The following COL14A1 variants were observed in gnomAD, a reference collection of about 807,000 sequenced individuals.
COL14A1 encodes the protein collagen alpha-1(XIV) chain.
A neutral mutation model predicts 230.3 loss-of-function variants in COL14A1; 136 were observed. The ratio of observed to expected loss-of-function variants is 0.59; its 90% CI spans 0.51 to 0.68. The LOEUF is 0.68. COL14A1 is among the 30% of genes least tolerant of loss of function. The pLI is 0.00. For synonymous variants in COL14A1, 792 were observed against 784.1 expected (o/e 1.01, Z -0.17); for missense variants, 1,976 against 2,215.8 (o/e 0.89, Z 2.17).
chr8:120,216,628 G>A, intron 14 of COL14A1, 138 bp downstream of exon 14: 2 of 893,816 alleles, frequency 2.2e-6, no homozygotes, highest in African/African-American at 3.4e-5. Context: ...CTGTATGTAG[G>A]TCAGGAATTG....
At chr8:120,324,975 A>G (rs1236882127) in intron 40 of COL14A1, among the ~76,000 whole-genome samples, 3 of 152,214 alleles carry the variant, frequency 2.0e-5, no homozygotes, top group Non-Finnish European at 4.4e-5. Flanking sequence ...CTTGAAAAAA[A>G]GCACATACAT....
At position 120,168,169 on chromosome 8, in the gene COL14A1, T is replaced by A; in HGVS notation, c.358T>A (p.Leu120Ile). ...CTCTACTTTTCTTCCAGTTAAAGATTTAGAAAAAAGAAAGGATCCAAAGCC... is the reference window on the plus strand; with the variant it reads ...CTCTACTTTTCTTCCAGTTAAAGATATAGAAAAAAGAAAGGATCCAAAGCC... ...PAQGQFRIKD[L>I]EKRKDPKPRV... Residue 120 changes from leucine to isoleucine, a missense_variant, in exon 5 of 48, where the codon TTA (leucine) becomes ATA (isoleucine). Coordinates refer to ENST00000297848, the MANE Select transcript of COL14A1 (RefSeq NM_021110.4). The A allele has an allele frequency of 6.2e-7, 1 of 1,609,416 alleles. No homozygotes were observed. Among genetic ancestry groups the A allele is most frequent in the Non-Finnish European group, 8.5e-7 (1 of 1,176,882 alleles).
In COL14A1 at chr8:120,371,146, C is replaced by T. The variant is rs190530400; in HGVS notation, c.5312-6C>T. The T allele has an allele frequency of 1.8e-3, 2,847 of 1,604,638 alleles. 51 individuals are homozygous for T. The African/African-American group carries it at 0.034, about 19-fold the overall frequency. On this transcript the variant is annotated splice_region_variant and splice_polypyrimidine_tract_variant and intron_variant, in intron 47 of 47. Coordinates refer to ENST00000297848, the MANE Select transcript of COL14A1 (RefSeq NM_021110.4). The stretch of plus-strand genomic sequence containing the variant: ...GCAAGTCCCCACCCCCACTTTTCCT[C>T]TTTAGCTCCCCATCCAGATCAGCCA...
chr8:120,280,918 T>A lies in COL14A1; in HGVS notation c.3686-3T>A. ...TCTTTTTCTACTTTTTTTTTTTTTT[T>A]AGGATTTAAGATGATGGAAATGTTT... is the stretch of plus-strand genomic sequence containing the variant. On this transcript the variant is annotated splice_region_variant and splice_polypyrimidine_tract_variant and intron_variant, in intron 30 of 47. Coordinates refer to ENST00000297848, the MANE Select transcript of COL14A1 (RefSeq NM_021110.4). The A allele has an allele frequency of 6.8e-7, 1 of 1,479,376 alleles. No individual in the cohort carries two copies. Among genetic ancestry groups the A allele is most frequent in the East Asian group, 2.3e-5 (1 of 43,212 alleles). The allele number at this position is 1,479,376 out of a possible 1,614,324, so 91.6% of individuals were successfully genotyped here. A position where few individuals can be genotyped will look rare whatever the true frequency, so the allele number is the denominator to read the frequency against.
chr8:120,347,298 A>G (rs1822553178), intron 45 of COL14A1, among the ~76,000 whole-genome samples: 2 of 152,232 alleles, frequency 1.3e-5, no homozygotes, highest in South Asian at 2.1e-4. Flanking sequence ...TTTCTTACAT[A>G]CATATTGATA....
At chr8:120,129,904 G>A (rs1271868594) in intron 1 of COL14A1, among the ~76,000 whole-genome samples, 4 of 152,118 alleles carry the variant, frequency 2.6e-5, no homozygotes, top group Non-Finnish European at 1.5e-5. Context: ...TTGAATATGG[G>A]TTAAACTGCC....
At chr8:120,340,922 T>G (rs565845672) in intron 42 of COL14A1, among the ~76,000 whole-genome samples, 133 of 152,312 alleles carry the variant, frequency 8.7e-4, no homozygotes, top group East Asian at 2.7e-3. Flanking sequence ...CTTTAAAAAC[T>G]GAAACAATTT....
chr8:120,151,577 T>C (rs1416040791), intron 2 of COL14A1, among the ~76,000 whole-genome samples: 1 of 139,788 alleles, frequency 7.2e-6, no homozygotes. Context: ...GAGGTGGAGG[T>C]TGCAGTGAGC....
chr8:120,327,253 T>G (rs1354024693), intron 40 of COL14A1, among the ~76,000 whole-genome samples: 2 of 152,172 alleles, frequency 1.3e-5, no homozygotes, highest in African/African-American at 4.8e-5. Context: ...TGCTAACCAC[T>G]CATAATTGTC....
chr8:120,174,837 G>A (rs1816221222), intron 5 of COL14A1, among the ~76,000 whole-genome samples: 1 of 152,160 alleles, frequency 6.6e-6, no homozygotes, highest in Admixed American at 6.5e-5. Flanking sequence ...TGACAATCCA[G>A]GACAGAGTTA....
intron 42 of COL14A1, among the ~76,000 whole-genome samples, chr8:120,339,525 C>T (rs1205465556): frequency 4.6e-5 from 7 of 152,086 alleles, no homozygotes; most frequent in East Asian, 1.9e-4. Flanking sequence ...GAGAGAATAA[C>T]GTGTTAGACT....
chr8:120,348,252 T>G (rs975890101), intron 45 of COL14A1, among the ~76,000 whole-genome samples: 29 of 148,572 alleles, frequency 2.0e-4, no homozygotes, highest in Admixed American at 8.8e-4. Context: ...TATGTATATA[T>G]ATGAAGCATA....
chr8:120,270,287 A>G, intron 26 of COL14A1, 113 bp downstream of exon 26: 1 of 1,088,156 alleles, frequency 9.2e-7, no homozygotes, highest in East Asian at 2.7e-5. Flanking sequence ...ATTGGGTTCA[A>G]CCTTAAATGA....
At chr8:120,308,385 CA>C (rs1554621876) in intron 36 of COL14A1, among the ~76,000 whole-genome samples, 3 of 152,166 alleles carry the variant, frequency 2.0e-5, no homozygotes, top group Non-Finnish European at 1.5e-5. Flanking sequence ...AAGGTTCAGA[CA>C]ACTATGCAAC....
intron 47 of COL14A1, chr8:120,370,419 T>C: frequency 6.2e-7 from 1 of 1,601,600 alleles, no homozygotes; most frequent in Non-Finnish European, 8.5e-7. Context: ...TAGCTGTGGA[T>C]ACAGAACTGT....
chr8:120,257,583 C>G (rs1819197496), intron 23 of COL14A1, among the ~76,000 whole-genome samples: 2 of 152,152 alleles, frequency 1.3e-5, no homozygotes, highest in Admixed American at 1.3e-4. Context: ...GGAATGTGTT[C>G]ACCATTCTGA....
At chr8:120,209,525 T>C (rs1817555279) in intron 11 of COL14A1, among the ~76,000 whole-genome samples, 1 of 152,112 alleles carries the variant, frequency 6.6e-6, no homozygotes, top group Non-Finnish European at 1.5e-5. Flanking sequence ...AACTTGACAC[T>C]GTGGTTAGAA....
intron 8 of COL14A1, among the ~76,000 whole-genome samples, chr8:120,202,883 T>C (rs528813003): frequency 6.1e-4 from 92 of 151,590 alleles, no homozygotes; most frequent in Non-Finnish European, 1.2e-3. Context: ...TTTACATTAG[T>C]AAAATTGCAG....
intron 32 of COL14A1, 94 bp downstream of exon 32, chr8:120,283,872 C>T (rs1586830758): frequency 1.0e-6 from 1 of 963,192 alleles, no homozygotes; most frequent in East Asian, 2.5e-5. Flanking sequence ...TACAGAGTAA[C>T]TCACTAATCT....
Sources: allele counts gnomAD v4.1 joint callset (sites outside exome capture counted in the v4.1 genomes callset), GRCh38; gene constraint gnomAD v4.1.1; transcripts MANE v1.5; gene names NCBI Gene and HGNC (gene_info 2026-07-23, HGNC 2026-07-21).